Variants in RB1CC1 observed in about 807,000 individuals in gnomAD.
The protein encoded by RB1CC1 is RB1-inducible coiled-coil protein 1.
Under a neutral mutation model 177.5 loss-of-function variants are expected in RB1CC1, and 46 were observed. The ratio of observed to expected loss-of-function variants is 0.26; its 90% CI spans 0.20 to 0.33. The LOEUF (loss-of-function observed/expected upper bound fraction) is 0.33. Among genes scored for constraint, RB1CC1 ranks in the 10% least tolerant of loss-of-function variants. The probability of loss-of-function intolerance (pLI) is 1.00; values close to 1 mark genes in which losing one functional copy is unlikely to be tolerated. For missense variants in RB1CC1, 1,703 were observed against 1,816.3 expected, an observed-to-expected ratio of 0.94 and a Z score of 1.13; for synonymous variants, 666 against 613.6, an observed-to-expected ratio of 1.09 and a Z score of -1.26.
At chr8:52,678,737 C>T (rs2360763) in intron 5 of RB1CC1, among the ~76,000 whole-genome samples, 2,142 of 152,160 alleles carry the variant, frequency 0.014, 17 homozygotes, top group Non-Finnish European at 0.021. Flanking sequence ...AATATCTTTA[C>T]AGGTAAAATA....
chr8:52,699,830 A>AAAAATATATAT (rs1554557119), intron 1 of RB1CC1, among the ~76,000 whole-genome samples: 5 of 26,722 alleles, frequency 1.9e-4, no homozygotes, highest in Non-Finnish European at 3.8e-4. Flanking sequence ...AAAAAAAAAA[A>AAAAATATATAT]ATATATATAT....
chr8:52,667,341 A>C (rs1159334025), intron 8 of RB1CC1, among the ~76,000 whole-genome samples: 1 of 152,240 alleles, frequency 6.6e-6, no homozygotes, highest in African/African-American at 2.4e-5. Context: ...TATATGTTCC[A>C]ATGAAAGAAC....
rs1186386369 is a variant in RB1CC1, at chr8:52,657,166, T to C, written c.2663A>G (p.Asn888Ser). The C allele has an allele frequency of 6.2e-7, 1 of 1,608,056 alleles. No homozygotes were observed. The highest frequency in any genetic ancestry group is 8.5e-7 in the Non-Finnish European group (1 of 1,175,406). The change falls in exon 15 of 24, where the codon AAT becomes AGT. Residue 888 changes from asparagine to serine, a missense_variant. Coordinates refer to ENST00000025008, the MANE Select transcript of RB1CC1 (RefSeq NM_014781.5). ...CTTCAATTTTTTAATTTTGTTTTCATTCTCTTCAGTTTCCTTTATTAGTCC... is the reference window on the plus strand; with the variant it reads ...CTTCAATTTTTTAATTTTGTTTTCACTCTCTTCAGTTTCCTTTATTAGTCC... The part of the protein sequence containing the change: ...LDGLIKETEE[N>S]ENKIKKLKGE...
intron 22 of RB1CC1, among the ~76,000 whole-genome samples, chr8:52,625,773 G>C (rs1284752227): frequency 6.6e-6 from 1 of 152,126 alleles, no homozygotes; most frequent in Non-Finnish European, 1.5e-5. Flanking sequence ...TGTGGATACC[G>C]AAAGTAGGGT....
At chr8:52,627,975 T>A in intron 22 of RB1CC1, 57 bp downstream of exon 22, 1 of 1,429,434 alleles carries the variant, frequency 7.0e-7, no homozygotes, top group Non-Finnish European at 9.3e-7. Flanking sequence ...AAAAAATCTT[T>A]ACTTATATAA....
rs978724745 is a variant in RB1CC1 at position 52,714,101 on chromosome 8, G to A, written c.-193C>T. 1 of 351,426 alleles carries A rather than the reference G, an allele frequency of 2.8e-6. No homozygotes were observed. The highest frequency in any genetic ancestry group is 5.8e-6 in the Non-Finnish European group (1 of 173,726). The allele number at this position is 351,426 out of a possible 1,614,324, so 21.8% of individuals were successfully genotyped here. A position where few individuals can be genotyped will look rare whatever the true frequency, so the allele number is the denominator to read the frequency against. On this transcript the variant is annotated 5_prime_UTR_variant, in exon 1 of 24. Coordinates refer to ENST00000025008, the MANE Select transcript of RB1CC1 (RefSeq NM_014781.5). Reference sequence around the variant, plus strand: ...CGGCAACGCCTCCTCCTTCGCCGGCGGCAGCAGCAGAGCCAGCGACCCCCG... The same window carrying A: ...CGGCAACGCCTCCTCCTTCGCCGGCAGCAGCAGCAGAGCCAGCGACCCCCG...
At chr8:52,687,215 A>G (rs1369438662) in intron 1 of RB1CC1, among the ~76,000 whole-genome samples, 2 of 152,216 alleles carry the variant, frequency 1.3e-5, no homozygotes, top group Non-Finnish European at 2.9e-5. Flanking sequence ...TCCTTAAAAT[A>G]TTATGGTAAA....
chr8:52,710,468 G>A (rs937065921), intron 1 of RB1CC1, among the ~76,000 whole-genome samples: 3 of 152,114 alleles, frequency 2.0e-5, no homozygotes, highest in African/African-American at 7.2e-5. Flanking sequence ...TAGGTGTACA[G>A]GAAATATGTG....
Position 52,668,215 on chromosome 8 carries a change from G to A in RB1CC1, c.1003-24C>T, listed in dbSNP as rs373555074. 80 of 1,606,420 alleles carry A rather than the reference G, an allele frequency of 5.0e-5. 1 individual carries two copies. The highest frequency in any genetic ancestry group is 4.1e-4 in the African/African-American group (31 of 74,908). ...AGCTAAATGACAAGGAAACACATAC[G>A]AATACAATTTTCAGCAAATAGTTTA... On this transcript the variant is annotated intron_variant, in intron 7 of 23. Coordinates refer to ENST00000025008, the MANE Select transcript of RB1CC1 (RefSeq NM_014781.5).
intron 15 of RB1CC1, among the ~76,000 whole-genome samples, chr8:52,648,908 C>A (rs1167066026): frequency 2.0e-5 from 3 of 152,080 alleles, no homozygotes; most frequent in Non-Finnish European, 4.4e-5. Context: ...TGCTTTGGAG[C>A]CATTAAATAA....
At chr8:52,699,831 ATATATATAT>A (rs374134794) in intron 1 of RB1CC1, among the ~76,000 whole-genome samples, 1 of 29,956 alleles carries the variant, frequency 3.3e-5, no homozygotes, top group Non-Finnish European at 8.0e-5. Flanking sequence ...AAAAAAAAAA[ATATATATAT>A]ATATATATAT....
chr8:52,675,194 T>C (rs1001121575), intron 6 of RB1CC1, among the ~76,000 whole-genome samples: 2 of 152,150 alleles, frequency 1.3e-5, no homozygotes, highest in East Asian at 3.9e-4. Flanking sequence ...AATGAATCCT[T>C]CTCTTTCCTC....
At chr8:52,645,431 G>A (rs537471590) in intron 16 of RB1CC1, among the ~76,000 whole-genome samples, 4 of 152,166 alleles carry the variant, frequency 2.6e-5, no homozygotes, top group East Asian at 1.9e-4. Context: ...ACATTCCCTC[G>A]CTTCTAATCT....
intron 1 of RB1CC1, among the ~76,000 whole-genome samples, chr8:52,691,661 T>C (rs1854869404): frequency 1.3e-5 from 2 of 152,240 alleles, no homozygotes; most frequent in South Asian, 4.1e-4. Flanking sequence ...CCATTGTGTA[T>C]AGTCCTAAGA....
chr8:52,705,082 A>G (rs1856432703), intron 1 of RB1CC1, among the ~76,000 whole-genome samples: 1 of 152,200 alleles, frequency 6.6e-6, no homozygotes, highest in South Asian at 2.1e-4. Flanking sequence ...ACTGCCTACC[A>G]TATATACTGA....
At chr8:52,666,518 C>CAAA (rs1158339036) in intron 8 of RB1CC1, among the ~76,000 whole-genome samples, 1 of 131,114 alleles carries the variant, frequency 7.6e-6, no homozygotes, top group African/African-American at 3.0e-5. Context: ...AACTTCCTCT[C>CAAA]AAAAAAAAAA....
At chr8:52,698,479 AT>A (rs1242979172) in intron 1 of RB1CC1, among the ~76,000 whole-genome samples, 4 of 150,820 alleles carry the variant, frequency 2.7e-5, no homozygotes. Context: ...CGCCCAGCCA[AT>A]TTTTTGTATG....
At chr8:52,685,750 G>GA (rs1211745757) in intron 2 of RB1CC1, among the ~76,000 whole-genome samples, 1 of 152,030 alleles carries the variant, frequency 6.6e-6, no homozygotes, top group African/African-American at 2.4e-5. Context: ...TCTGCCACAG[G>GA]AAAAAAAGTT....
intron 5 of RB1CC1, among the ~76,000 whole-genome samples, chr8:52,677,101 A>G (rs1853203579): frequency 6.6e-6 from 1 of 152,204 alleles, no homozygotes; most frequent in Non-Finnish European, 1.5e-5. Flanking sequence ...TATTAAGGAT[A>G]AATTACAAGG....
Sources: allele counts gnomAD v4.1 joint callset (sites outside exome capture counted in the v4.1 genomes callset), GRCh38; gene constraint gnomAD v4.1.1; transcripts MANE v1.5; gene names NCBI Gene and HGNC (gene_info 2026-07-23, HGNC 2026-07-21).